The following ZZEF1 variants were observed in gnomAD, a reference collection of about 807,000 sequenced individuals.
ZZEF1 encodes the protein zinc finger ZZ-type and EF-hand domain-containing protein 1.
A neutral mutation model predicts 342.8 loss-of-function variants in ZZEF1; 157 were observed. The ratio of observed to expected loss-of-function variants is 0.46; its 90% confidence interval spans 0.40 to 0.52. ZZEF1 has a LOEUF of 0.52. Ranked by LOEUF, ZZEF1 falls within the 20% of genes least tolerant of loss-of-function variation. ZZEF1 has a pLI of 0.00. For synonymous variants in ZZEF1, 1,505 were observed against 1,429.1 expected, an observed-to-expected ratio of 1.05 and a Z score of -1.20; for missense variants, 3,480 against 3,725.6, an observed-to-expected ratio of 0.93 and a Z score of 1.72.
At chr17:4,028,926 T>A (rs2145032851) in intron 42 of ZZEF1, among the ~76,000 whole-genome samples, 1 of 152,328 alleles carries the variant, frequency 6.6e-6, no homozygotes, top group East Asian at 1.9e-4. Flanking sequence ...CAAGAGAGGC[T>A]GTACGAATAT....
intron 1 of ZZEF1, among the ~76,000 whole-genome samples, chr17:4,134,905 T>A (rs77587950): frequency 0.017 from 2,633 of 152,124 alleles, 75 homozygotes; most frequent in African/African-American, 0.06. Context: ...GGAGAGGCAA[T>A]CTCAGGTAGA....
At chr17:4,122,854 T>C (rs1328710641) in intron 2 of ZZEF1, among the ~76,000 whole-genome samples, 1 of 151,700 alleles carries the variant, frequency 6.6e-6, no homozygotes, top group African/African-American at 2.4e-5. Flanking sequence ...CACATTCACC[T>C]AATTTTTATT....
intron 1 of ZZEF1, among the ~76,000 whole-genome samples, chr17:4,125,107 C>A (rs954728361): frequency 6.6e-6 from 1 of 152,120 alleles, no homozygotes; most frequent in Non-Finnish European, 1.5e-5. Context: ...TCTAACCTCA[C>A]CCTCTGGTGT....
At position 4,005,253 on chromosome 17, in the gene ZZEF1, C is replaced by T. The variant is rs2055778137; in HGVS notation, c.*1637G>A. 1 of 152,484 alleles carries T rather than the reference C, an allele frequency of 6.6e-6. No individual in the cohort carries two copies. Among genetic ancestry groups the T allele is most frequent in the Non-Finnish European group, 1.5e-5 (1 of 68,286 alleles). 9.4% of individuals were successfully genotyped at this position (152,484 alleles called of 1,614,324 possible). On this transcript the variant is annotated 3_prime_UTR_variant, in exon 55 of 55. Coordinates refer to ENST00000381638, the MANE Select transcript of ZZEF1 (RefSeq NM_015113.4). ...TCTCTGGGGTGGTGCAGGCAGCTCCCAAAGCAAGGTAGGTTTGGCAAAGAG... is the reference window on the plus strand; with the variant it reads ...TCTCTGGGGTGGTGCAGGCAGCTCCTAAAGCAAGGTAGGTTTGGCAAAGAG...
intron 39 of ZZEF1, among the ~76,000 whole-genome samples, chr17:4,038,872 G>C (rs996840070): frequency 6.6e-6 from 1 of 152,028 alleles, no homozygotes; most frequent in Admixed American, 6.6e-5. Flanking sequence ...GGAATGCAGC[G>C]ACTTACTCCA....
rs754069841 is a variant in ZZEF1 at position 4,017,418 on chromosome 17, T to C, written c.7954A>G (p.Ile2652Val). Residue 2652 changes from isoleucine to valine, a missense_variant, in exon 48 of 55, where the codon ATT (isoleucine) becomes GTT (valine). Physicochemically the swap from Ile to Val is conservative, Grantham distance 29. Around this residue, in one of 5 missense-constraint regions of ZZEF1, gnomAD observed 1,269 missense variants for 1,342.4 expected, o/e 0.95. Coordinates refer to ENST00000381638, the MANE Select transcript of ZZEF1 (RefSeq NM_015113.4). The surrounding 1 kb of genome is among the most constrained non-coding windows in gnomAD (Gnocchi z 5.1). ...ELSGPAHMTY[I>V]LDMFMQLEEK... ...TCCAGCTGCATGAACATATCCAAAA[T>C]GTAGGTCATATGGGCAGGGCCACTG... 10 of 1,610,194 alleles carry C rather than the reference T, an allele frequency of 6.2e-6. No individual in the cohort carries two copies. The East Asian group carries it at 1.1e-4, about 18-fold the overall frequency.
intron 11 of ZZEF1, among the ~76,000 whole-genome samples, chr17:4,093,131 T>TA (rs11409167): frequency 0.025 from 3,790 of 151,312 alleles, 147 homozygotes; most frequent in African/African-American, 0.087. Flanking sequence ...CTATTTAGGT[T>TA]AAAAAAAAAT....
chr17:4,009,866 T>A, intron 52 of ZZEF1, 109 bp from the exon 53 acceptor site: 2 of 1,298,710 alleles, frequency 1.5e-6, no homozygotes, highest in Non-Finnish European at 2.1e-6. Context: ...CCACAGCTGG[T>A]ACAAATGATT....
chr17:4,115,428 C>T (rs1397152322), intron 3 of ZZEF1, among the ~76,000 whole-genome samples: 2 of 152,104 alleles, frequency 1.3e-5, no homozygotes, highest in Non-Finnish European at 2.9e-5. Context: ...TTTAGGAGGC[C>T]AAGGCAGGCG....
At position 4,042,573 on chromosome 17, in the gene ZZEF1, G is replaced by C; in HGVS notation, c.6167-5C>G. ...ACACTTCTGAATCTTCAGCATCTAA[G>C]TGGTAAAACAAACTTTCAGAATTTG... On this transcript the variant is annotated splice_region_variant and splice_polypyrimidine_tract_variant and intron_variant, in intron 38 of 54. Transcript: ENST00000381638. 1 of 1,610,028 alleles carries C rather than the reference G, an allele frequency of 6.2e-7. No individual in the cohort carries two copies. Among genetic ancestry groups the C allele is most frequent in the Non-Finnish European group, 8.5e-7 (1 of 1,178,762 alleles).
intron 42 of ZZEF1, among the ~76,000 whole-genome samples, chr17:4,027,635 T>C (rs973969427): frequency 1.4e-5 from 2 of 147,430 alleles, no homozygotes; most frequent in African/African-American, 5.1e-5. Context: ...GCTCCTGCTC[T>C]GTCACCTAGG....
chr17:4,084,260 A>C (rs1244255531), intron 16 of ZZEF1, among the ~76,000 whole-genome samples: 8 of 152,000 alleles, frequency 5.3e-5, no homozygotes, highest in African/African-American at 1.9e-4. Context: ...TAATCATCAG[A>C]ATTTAATCTT....
At chr17:4,048,204 C>T (rs994059361) in intron 37 of ZZEF1, among the ~76,000 whole-genome samples, 1 of 152,126 alleles carries the variant, frequency 6.6e-6, no homozygotes, top group Non-Finnish European at 1.5e-5. Context: ...GGTTAAAGTG[C>T]CGCCTACAGA....
chr17:4,017,761 C>T lies in ZZEF1; in HGVS notation c.7642-31G>A. 2 of 1,612,822 alleles carry T rather than the reference C, an allele frequency of 1.2e-6. No individual in the cohort carries two copies. The highest frequency in any genetic ancestry group is 2.2e-5 in the South Asian group (2 of 90,970). ...AACCCAAGACCACCATTACAGAGGT[C>T]TAGCCTTCTTACAGTGGTGGTATGG... On this transcript the variant is annotated intron_variant, in intron 47 of 54. Transcript: ENST00000381638. The surrounding 1 kb of genome is among the most constrained non-coding windows in gnomAD (Gnocchi z 5.1).
chr17:4,088,047 A>G (rs758464632), intron 13 of ZZEF1, among the ~76,000 whole-genome samples: 26 of 152,300 alleles, frequency 1.7e-4, no homozygotes, highest in Non-Finnish European at 3.1e-4. Context: ...AACAAACCTT[A>G]TATGAACTGA....
Position 4,017,239 on chromosome 17 carries a change from G to T in ZZEF1, c.8001+132C>A. The stretch of plus-strand genomic sequence containing the variant: ...GAGAGGATACAGTGACCCTACCTTT[G>T]CTGCATTCACACCTGTCAGGGAGCT... On this transcript the variant is annotated intron_variant, in intron 48 of 54. Coordinates refer to ENST00000381638, the MANE Select transcript of ZZEF1 (RefSeq NM_015113.4). The surrounding 1 kb of genome is among the most constrained non-coding windows in gnomAD (Gnocchi z 5.1). 1 of 1,289,532 alleles carries T rather than the reference G, an allele frequency of 7.8e-7. No homozygotes were observed. Among genetic ancestry groups the T allele is most frequent in the Non-Finnish European group, 1.1e-6 (1 of 949,858 alleles). The allele number at this position is 1,289,532 out of a possible 1,614,324, so 79.9% of individuals were successfully genotyped here. A position where few individuals can be genotyped will look rare whatever the true frequency, so the allele number is the denominator to read the frequency against.
intron 44 of ZZEF1, 81 bp downstream of exon 44, chr17:4,022,628 T>C (rs2144990129): frequency 1.9e-6 from 3 of 1,596,794 alleles, no homozygotes; most frequent in East Asian, 2.2e-5. Context: ...CAGAAGCAGC[T>C]GGAACTCGGT....
Position 4,017,475 on chromosome 17 carries a change from G to T in ZZEF1, c.7897C>A (p.His2633Asn), listed in dbSNP as rs1399501731. ...AGGATGTCCTCGCTCACTGGCACGTGGCTAGGCCACTCGGCGAGCAGGGAT... is the reference window on the plus strand; with the variant it reads ...AGGATGTCCTCGCTCACTGGCACGTTGCTAGGCCACTCGGCGAGCAGGGAT... Reference protein sequence around the residue: ...LASLLAEWPSHVPVSEDILEL... With the variant: ...LASLLAEWPSNVPVSEDILEL... The change falls in exon 48 of 55, where the codon CAC (histidine) becomes AAC (asparagine). Residue 2633 changes from histidine to asparagine, a missense_variant. His to Asn is a moderately conservative substitution (Grantham distance 68). Around this residue, in one of 5 missense-constraint regions of ZZEF1, gnomAD observed 1,269 missense variants for 1,342.4 expected, o/e 0.95. Coordinates refer to ENST00000381638, the MANE Select transcript of ZZEF1 (RefSeq NM_015113.4). This position sits in a 1 kb window ranked among gnomAD's most constrained non-coding sequence, Gnocchi z 5.1. 2 of 1,614,148 alleles carry T rather than the reference G, an allele frequency of 1.2e-6. No homozygotes were observed. The highest frequency in any genetic ancestry group is 1.3e-5 in the African/African-American group (1 of 74,958).
intron 8 of ZZEF1, among the ~76,000 whole-genome samples, chr17:4,103,520 C>T (rs1006017359): frequency 1.3e-5 from 2 of 151,960 alleles, no homozygotes; most frequent in Non-Finnish European, 2.9e-5. Flanking sequence ...GCACTCCAAC[C>T]TGGATGACAG....
Sources: gnomAD v4.1 joint callset for allele counts (sites outside exome capture counted in the v4.1 genomes callset) on GRCh38, gnomAD v4.1.1 for gene constraint, gnomAD v4.1.1 regional missense constraint, Gnocchi (gnomAD v3.1) non-coding constraint, MANE v1.5 for transcripts, NCBI Gene and HGNC (gene_info 2026-07-23, HGNC 2026-07-21) for gene names.